INPP4B: variants seen among roughly 807,000 people sequenced by gnomAD.
INPP4B encodes the protein inositol polyphosphate 4-phosphatase type II.
A neutral mutation model predicts 122.5 loss-of-function variants in INPP4B; 55 were observed. The ratio of observed to expected loss-of-function variants is 0.45; its 90% CI spans 0.36 to 0.56. INPP4B has a LOEUF of 0.56. INPP4B is among the 20% of genes least tolerant of loss of function. INPP4B has a pLI of 0.00. For missense variants in INPP4B, 1,000 were observed against 1,097.7 expected, an observed-to-expected ratio of 0.91 and a Z score of 1.26; for synonymous variants, 403 against 388.7, an observed-to-expected ratio of 1.04 and a Z score of -0.43.
At chr4:142,445,247 G>A (rs1412382280) in intron 3 of INPP4B, among the ~76,000 whole-genome samples, 1 of 151,926 alleles carries the variant, frequency 6.6e-6, no homozygotes, top group African/African-American at 2.4e-5. Context: ...AAGCAAAAAA[G>A]CATAAAAGAG....
intron 1 of INPP4B, among the ~76,000 whole-genome samples, chr4:142,838,712 T>C (rs1783122065): frequency 6.6e-6 from 1 of 152,260 alleles, no homozygotes; most frequent in African/African-American, 2.4e-5. Context: ...TATTTGCTTT[T>C]AGATACTCAA....
At chr4:142,561,298 C>A (rs1343622341) in intron 2 of INPP4B, among the ~76,000 whole-genome samples, 4 of 152,072 alleles carry the variant, frequency 2.6e-5, no homozygotes. Context: ...TAAAAAAATA[C>A]TTTTGAGGAA....
At chr4:142,380,685 C>T (rs1375518445) in intron 7 of INPP4B, among the ~76,000 whole-genome samples, 1 of 151,960 alleles carries the variant, frequency 6.6e-6, no homozygotes, top group African/African-American at 2.4e-5. Flanking sequence ...TTTTCCCTCA[C>T]CTCCTCATCT....
chr4:142,033,887 G>C (rs957077355), intron 25 of INPP4B, among the ~76,000 whole-genome samples: 1 of 151,742 alleles, frequency 6.6e-6, no homozygotes, highest in African/African-American at 2.4e-5. Context: ...GGCTTTTCTC[G>C]AACTCCTAGG....
intron 2 of INPP4B, among the ~76,000 whole-genome samples, chr4:142,472,431 G>A (rs1819013579): frequency 6.6e-6 from 1 of 151,976 alleles, no homozygotes; most frequent in Non-Finnish European, 1.5e-5. Flanking sequence ...AACCCAGTAA[G>A]TACTATCTCT....
At chr4:142,697,689 G>A (rs2150746158) in intron 2 of INPP4B, among the ~76,000 whole-genome samples, 1 of 152,240 alleles carries the variant, frequency 6.6e-6, no homozygotes, top group Non-Finnish European at 1.5e-5. Context: ...CTACAAGCAA[G>A]GAACTGAAGA....
chr4:142,229,947 T>C (rs1223635868), intron 12 of INPP4B, among the ~76,000 whole-genome samples: 1 of 152,204 alleles, frequency 6.6e-6, no homozygotes, highest in East Asian at 1.9e-4. Flanking sequence ...AGCTAAATTT[T>C]GAACAGACTT....
At chr4:142,735,511 C>T (rs1766726815) in intron 1 of INPP4B, among the ~76,000 whole-genome samples, 1 of 152,162 alleles carries the variant, frequency 6.6e-6, no homozygotes, top group African/African-American at 2.4e-5. Flanking sequence ...GCTGATTACA[C>T]TATTATCCCC....
rs897017722 is a variant in INPP4B at position 142,582,200 on chromosome 4, A to AC, written c.-190-119475_-190-119474insG. Among the ~76,000 whole-genome samples the AC allele has an allele frequency of 3.3e-5, 5 of 150,980 alleles. No individual in the cohort carries two copies. The Admixed American group carries it at 3.4e-4, about 10-fold the overall frequency. On this transcript the variant is annotated intron_variant, in intron 2 of 25. Transcript: ENST00000262992. Reference sequence around the variant, plus strand: ...ACATAATCATCTAATGGATACAAAAAAAAAAAAATCTACTCACAAATGGCT... The same window carrying AC: ...ACATAATCATCTAATGGATACAAAAACAAAAAAAATCTACTCACAAATGGCT...
chr4:142,320,332 T>C (rs1769513112), intron 7 of INPP4B, among the ~76,000 whole-genome samples: 1 of 152,194 alleles, frequency 6.6e-6, no homozygotes, highest in African/African-American at 2.4e-5. Context: ...AATGCTATCC[T>C]ATCACAGTAT....
intron 11 of INPP4B, among the ~76,000 whole-genome samples, chr4:142,249,444 A>T (rs893284311): frequency 6.6e-6 from 1 of 152,166 alleles, no homozygotes; most frequent in Non-Finnish European, 1.5e-5. Flanking sequence ...CACTGGTCAG[A>T]CTTTTTAACT....
intron 7 of INPP4B, among the ~76,000 whole-genome samples, chr4:142,359,748 C>T (rs1465144751): frequency 1.3e-5 from 2 of 151,922 alleles, no homozygotes; most frequent in Non-Finnish European, 2.9e-5. Flanking sequence ...ATGCTTTATG[C>T]TATTCAGATT....
At position 142,407,620 on chromosome 4, in the gene INPP4B, G is replaced by A. The variant is rs141603674; in HGVS notation, c.137-2296C>T. Among the ~76,000 whole-genome samples, 1,368 of 152,128 alleles carry A rather than the reference G, an allele frequency of 9.0e-3. 23 individuals carry two copies. The highest frequency in any genetic ancestry group is 0.031 in the African/African-American group (1,280 of 41,476). On this transcript the variant is annotated intron_variant, in intron 5 of 25. Coordinates refer to ENST00000262992, the MANE Select transcript of INPP4B (RefSeq NM_001101669.3). ...TCTAAAAACAATACGGTTACATCTT[G>A]TCAGGAAAACAATAATAGTTACATC...
chr4:142,042,508 ATG>A (rs368600069), intron 25 of INPP4B, among the ~76,000 whole-genome samples: 1 of 142,314 alleles, frequency 7.0e-6, no homozygotes, highest in African/African-American at 2.7e-5. Flanking sequence ...CTGCCAATTT[ATG>A]TGTGTGTGTA....
intron 3 of INPP4B, among the ~76,000 whole-genome samples, chr4:142,456,676 T>C (rs1317783913): frequency 6.6e-6 from 1 of 152,088 alleles, no homozygotes; most frequent in East Asian, 1.9e-4. Context: ...CTATAAACAT[T>C]GATGAAAGAA....
intron 7 of INPP4B, among the ~76,000 whole-genome samples, chr4:142,402,717 C>T (rs1447717505): frequency 6.6e-6 from 1 of 152,132 alleles, no homozygotes; most frequent in Non-Finnish European, 1.5e-5. Flanking sequence ...GTCAGCTCTC[C>T]TGAAAAAGAA....
At chr4:142,804,199 G>A (rs551859868) in intron 1 of INPP4B, among the ~76,000 whole-genome samples, 2 of 152,002 alleles carry the variant, frequency 1.3e-5, no homozygotes, top group East Asian at 3.8e-4. Context: ...TATAATAAAT[G>A]TATCACTTTA....
chr4:142,576,244 G>A (rs915978325), intron 2 of INPP4B, among the ~76,000 whole-genome samples: 3 of 151,910 alleles, frequency 2.0e-5, no homozygotes, highest in Admixed American at 1.3e-4. Flanking sequence ...GTAGCAGAAC[G>A]TTCCAGAATT....
In INPP4B at chr4:142,122,137, G is replaced by T; in HGVS notation, c.2126C>A (p.Thr709Lys). Reference protein sequence around the residue: ...AKSNDVLPVITGRREHYVVEV... With the variant: ...AKSNDVLPVIKGRREHYVVEV... ...AGTGAGCACTGCTTACCGTCTTCCT[G>T]TTATAACTGGCAACACATCATTGGA... Residue 709 changes from threonine to lysine, a missense_variant, in exon 21 of 26, where the codon ACA (threonine) becomes AAA (lysine). Physicochemically the swap from Thr to Lys is moderately conservative, Grantham distance 78. Transcript: ENST00000262992. The T allele has an allele frequency of 6.2e-7, 1 of 1,605,926 alleles. No homozygotes were observed. The highest frequency in any genetic ancestry group is 8.5e-7 in the Non-Finnish European group (1 of 1,174,298).
Sources: gnomAD v4.1 joint callset for allele counts (sites outside exome capture counted in the v4.1 genomes callset) on GRCh38, gnomAD v4.1.1 for gene constraint, MANE v1.5 for transcripts, NCBI Gene and HGNC (gene_info 2026-07-23, HGNC 2026-07-21) for gene names.